PTPRK: variants seen among roughly 807,000 people sequenced by gnomAD.
PTPRK encodes the protein receptor-type tyrosine-protein phosphatase kappa.
PTPRK carries 75 observed loss-of-function variants against 178.0 expected under a neutral mutation model. That is an observed-to-expected ratio of 0.42 (90% CI 0.35 to 0.51). The LOEUF is 0.51. Among genes scored for constraint, PTPRK ranks in the 20% least tolerant of loss-of-function variants. The pLI is 0.02. For missense variants in PTPRK, 1,441 were observed against 1,797.8 expected, an observed-to-expected ratio of 0.80 and a Z score of 3.59; for synonymous variants, 637 against 620.6, an observed-to-expected ratio of 1.03 and a Z score of -0.39.
chr6:128,012,351 T>C (rs1779148030), intron 13 of PTPRK, among the ~76,000 whole-genome samples: 1 of 151,266 alleles, frequency 6.6e-6, no homozygotes. Context: ...TTAAAGGAAA[T>C]ACAAGCAGTA....
chr6:128,445,841 T>C (rs996705594), intron 1 of PTPRK, among the ~76,000 whole-genome samples: 2 of 152,190 alleles, frequency 1.3e-5, no homozygotes, highest in Admixed American at 6.5e-5. Context: ...CTGCTCCTGA[T>C]GCTGAATTCT....
At chr6:128,343,843 G>A (rs962269010) in intron 2 of PTPRK, among the ~76,000 whole-genome samples, 9 of 152,218 alleles carry the variant, frequency 5.9e-5, no homozygotes, top group East Asian at 1.9e-4. Context: ...AAATAAACAC[G>A]ACAGATCTTA....
intron 14 of PTPRK, chr6:128,006,115 T>G: frequency 1.6e-6 from 2 of 1,222,252 alleles, no homozygotes; most frequent in Admixed American, 2.2e-5. Flanking sequence ...AAAGCGTGAC[T>G]CTGTCACATT....
chr6:128,265,232 T>C (rs1818768664), intron 3 of PTPRK, among the ~76,000 whole-genome samples: 1 of 152,166 alleles, frequency 6.6e-6, no homozygotes, highest in African/African-American at 2.4e-5. Context: ...ACTCCGTATA[T>C]CATCATATCA....
chr6:128,100,878 T>C (rs562819849), intron 7 of PTPRK, among the ~76,000 whole-genome samples: 1 of 152,100 alleles, frequency 6.6e-6, no homozygotes, highest in African/African-American at 2.4e-5. Context: ...TTAAATTGTA[T>C]AAGTAAAAAA....
At chr6:128,193,472 TTGTGTGTG>T (rs10681233) in intron 6 of PTPRK, among the ~76,000 whole-genome samples, 4 of 148,942 alleles carry the variant, frequency 2.7e-5, no homozygotes, top group East Asian at 3.9e-4. Flanking sequence ...GTACTAATAC[TTGTGTGTG>T]TGTGTGTGTG....
At chr6:128,280,746 T>C (rs557602310) in intron 3 of PTPRK, among the ~76,000 whole-genome samples, 1 of 152,266 alleles carries the variant, frequency 6.6e-6, no homozygotes, top group South Asian at 2.1e-4. Flanking sequence ...TGGGAAAACA[T>C]ATTCAATTAA....
intron 2 of PTPRK, among the ~76,000 whole-genome samples, chr6:128,388,779 G>T (rs1028059355): frequency 2.0e-5 from 3 of 152,170 alleles, no homozygotes; most frequent in African/African-American, 7.2e-5. Flanking sequence ...TAAGTGAAAT[G>T]ACATATTTTA....
intron 3 of PTPRK, among the ~76,000 whole-genome samples, chr6:128,315,513 A>G (rs546916945): frequency 6.6e-6 from 1 of 152,242 alleles, no homozygotes; most frequent in Non-Finnish European, 1.5e-5. Context: ...TTTTATAATG[A>G]TAGTTTTAAG....
intron 2 of PTPRK, among the ~76,000 whole-genome samples, chr6:128,348,497 A>G (rs763016848): frequency 6.6e-6 from 1 of 151,982 alleles, no homozygotes; most frequent in Non-Finnish European, 1.5e-5. Flanking sequence ...GTACTTAAAA[A>G]CTATGTTTAT....
chr6:128,040,607 C>T (rs762588606), intron 13 of PTPRK, among the ~76,000 whole-genome samples: 5 of 152,040 alleles, frequency 3.3e-5, no homozygotes, highest in Non-Finnish European at 7.4e-5. Context: ...ATGAACATCT[C>T]TCAGAAAGAG....
intron 2 of PTPRK, among the ~76,000 whole-genome samples, chr6:128,337,033 T>C (rs773302109): frequency 6.6e-6 from 1 of 152,168 alleles, no homozygotes; most frequent in Non-Finnish European, 1.5e-5. Context: ...TCATGGTTCA[T>C]AATAATAATA....
intron 2 of PTPRK, among the ~76,000 whole-genome samples, chr6:128,382,885 G>A (rs1192658123): frequency 1.3e-5 from 2 of 152,086 alleles, no homozygotes; most frequent in Admixed American, 6.6e-5. Context: ...CACTGCTACT[G>A]GTTCAGTAAA....
chr6:127,983,675 C>G (rs1183905002), intron 22 of PTPRK, among the ~76,000 whole-genome samples: 3 of 152,172 alleles, frequency 2.0e-5, no homozygotes, highest in Non-Finnish European at 2.9e-5. Context: ...ATTTAATACA[C>G]ATAATTTCAA....
chr6:128,267,009 T>A (rs1440681072), intron 3 of PTPRK, among the ~76,000 whole-genome samples: 1 of 152,144 alleles, frequency 6.6e-6, no homozygotes, highest in African/African-American at 2.4e-5. Context: ...ACATTGTTAT[T>A]AATCTCATAA....
At chr6:128,303,280 G>T (rs2128313086) in intron 3 of PTPRK, among the ~76,000 whole-genome samples, 1 of 152,218 alleles carries the variant, frequency 6.6e-6, no homozygotes, top group South Asian at 2.1e-4. Flanking sequence ...AGCTTCCAAA[G>T]CTGGTCGCCC....
intron 12 of PTPRK, 145 bp downstream of exon 12, chr6:128,067,374 G>T: frequency 1.2e-6 from 1 of 847,568 alleles, no homozygotes; most frequent in Non-Finnish European, 1.6e-6. Flanking sequence ...CCCCAAAACT[G>T]CGCACACTGT....
intron 3 of PTPRK, among the ~76,000 whole-genome samples, chr6:128,305,128 T>A (rs1826185955): frequency 6.6e-6 from 1 of 152,208 alleles, no homozygotes. Flanking sequence ...GAGTCGATAC[T>A]CTTTTTACTA....
At chr6:128,308,457 C>T (rs978482490) in intron 3 of PTPRK, among the ~76,000 whole-genome samples, 1 of 151,272 alleles carries the variant, frequency 6.6e-6, no homozygotes, top group Non-Finnish European at 1.5e-5. Flanking sequence ...ACACGAACTG[C>T]TTGCATTTAG....
Sources: gnomAD v4.1 joint callset for allele counts (sites outside exome capture counted in the v4.1 genomes callset) on GRCh38, gnomAD v4.1.1 for gene constraint, MANE v1.5 for transcripts, NCBI Gene and HGNC (gene_info 2026-07-23, HGNC 2026-07-21) for gene names.